Variants in ITGA10 observed in about 807,000 individuals in gnomAD.
ITGA10 encodes integrin subunit alpha 10.
In ITGA10, 105 loss-of-function variants were observed where a neutral mutation model predicts 145.2. The ratio of observed to expected loss-of-function variants is 0.72; its 90% CI spans 0.62 to 0.85. ITGA10 has a LOEUF of 0.85. Ranked by LOEUF, ITGA10 falls within the 40% of genes least tolerant of loss-of-function variation. ITGA10 has a pLI of 0.00. For synonymous variants in ITGA10, 506 were observed against 557.8 expected, an observed-to-expected ratio of 0.91 and a Z score of 1.31; for missense variants, 1,317 against 1,444.5, an observed-to-expected ratio of 0.91 and a Z score of 1.43.
In ITGA10 at chr1:145,896,305, G is replaced by A; in HGVS notation, c.2882C>T (p.Pro961Leu). The part of the protein sequence containing the change: ...RYEVHPYGTL[P>L]VGPGPEFKTT... ...TTTGAATTCTGGGCCAGGACCCACT[G>A]GGAGGGTCCCATATGGGTGAACCTC... The change falls in exon 24 of 30, where the codon CCA becomes CTA. Residue 961 changes from proline to leucine, a missense_variant. Physicochemically the swap from Pro to Leu is moderately conservative, Grantham distance 98. Coordinates refer to ENST00000369304, the MANE Select transcript of ITGA10 (RefSeq NM_003637.5). The A allele has an allele frequency of 1.2e-6, 2 of 1,614,008 alleles. No homozygotes were observed. Among genetic ancestry groups the A allele is most frequent in the South Asian group, 1.1e-5 (1 of 91,084 alleles).
chr1:145,899,516 T>C (rs1553747149), intron 15 of ITGA10, among the ~76,000 whole-genome samples, 175 bp from the exon 16 acceptor site: 1 of 151,842 alleles, frequency 6.6e-6, no homozygotes, highest in East Asian at 1.9e-4. Context: ...CATTGATCTT[T>C]TTTTTTTTTT....
chr1:145,897,828 T>G lies in ITGA10; in HGVS notation c.2419A>C (p.Ile807Leu). ...TDLVLQVNMDIRGSRKAPFVV... is the reference protein window; with the variant it reads ...TDLVLQVNMDLRGSRKAPFVV... ...TGTCCATCCAACCTGGAGCCTCTGA[T>G]GTCCATATTCACTTGAAGCACCAGG... The change falls in exon 19 of 30, where the codon ATC (isoleucine) becomes CTC (leucine). Residue 807 changes from isoleucine (I) to leucine (L), a missense_variant. Physicochemically the swap from Ile to Leu is conservative, Grantham distance 5. Coordinates refer to ENST00000369304, the MANE Select transcript of ITGA10 (RefSeq NM_003637.5). 6.2e-7 allele frequency: 1 copy of G among 1,614,090 alleles called. No individual in the cohort carries two copies. The highest frequency in any genetic ancestry group is 1.3e-5 in the African/African-American group (1 of 75,028).
intron 23 of ITGA10, among the ~76,000 whole-genome samples, 166 bp from the exon 24 acceptor site, chr1:145,896,518 A>G (rs1354113688): frequency 1.3e-5 from 2 of 152,160 alleles, no homozygotes; most frequent in East Asian, 3.8e-4. Context: ...CAGACAATGC[A>G]AGCTTTATGG....
In ITGA10 at chr1:145,896,285, A is replaced by T. The variant is rs1655384781; in HGVS notation, c.2902T>A (p.Phe968Ile). ...CTTCTCACCCTGAGAGTGGTTTTGA[A>T]TTCTGGGCCAGGACCCACTGGGAGG... ...GTLPVGPGPEFKTTLRVQNLG... is the reference protein window; with the variant it reads ...GTLPVGPGPEIKTTLRVQNLG... Residue 968 changes from phenylalanine (F) to isoleucine (I), a missense_variant, in exon 24 of 30, where the codon TTC becomes ATC. Phe to Ile is a conservative substitution (Grantham distance 21). Coordinates refer to ENST00000369304, the MANE Select transcript of ITGA10 (RefSeq NM_003637.5). 6.2e-7 allele frequency: 1 copy of T among 1,613,782 alleles called. No homozygotes were observed. The highest frequency in any genetic ancestry group is 8.5e-7 in the Non-Finnish European group (1 of 1,179,704).
chr1:145,902,822 A>G lies in ITGA10; in HGVS notation c.898T>C (p.Tyr300His), dbSNP rs782167660. ...KACEAGRVTR[Y>H]GIAVLGHYLR... ...GGGTGAATTCTCACTGCAATCCCATAGCGTGTCACTCTTCCAGCCTCACAG... is the reference window on the plus strand; with the variant it reads ...GGGTGAATTCTCACTGCAATCCCATGGCGTGTCACTCTTCCAGCCTCACAG... Residue 300 changes from tyrosine (Y) to histidine (H), a missense_variant, in exon 8 of 30, where the codon TAT (tyrosine) becomes CAT (histidine). Physicochemically the swap from Tyr to His is moderately conservative, Grantham distance 83. Coordinates refer to ENST00000369304, the MANE Select transcript of ITGA10 (RefSeq NM_003637.5). 3 of 1,609,958 alleles carry G rather than the reference A, an allele frequency of 1.9e-6. No individual in the cohort carries two copies. The East Asian group carries it at 6.7e-5, about 36-fold the overall frequency.
chr1:145,900,233 G>C (rs1553747555), intron 14 of ITGA10, 46 bp from the exon 15 acceptor site: 1 of 1,550,290 alleles, frequency 6.5e-7, no homozygotes, highest in Non-Finnish European at 8.7e-7. Flanking sequence ...CATACACCTA[G>C]TTTCTCAGGC....
rs782527798 is a variant in ITGA10, at chr1:145,901,652, G to A, written c.1307C>T (p.Ser436Phe). Reference sequence around the variant, plus strand: ...GCGTCCACCCCGCAAAAGCATGGAAGAAACAGAGTAACCTAGAAGTGGGCA... The same window carrying A: ...GCGTCCACCCCGCAAAAGCATGGAAAAAACAGAGTAACCTAGAAGTGGGCA... ...NHAAYLGYSV[S>F]SMLLRGGRRL... Residue 436 changes from serine to phenylalanine, a missense_variant, in exon 12 of 30, where the codon TCT becomes TTT. Transcript: ENST00000369304. This position sits in a 1 kb window ranked among gnomAD's most constrained non-coding sequence, Gnocchi z 4.3. 6.4e-7 allele frequency: 1 copy of A among 1,574,044 alleles called. No homozygotes were observed.
chr1:145,900,856 A>G lies in ITGA10; in HGVS notation c.1725T>C (p.Asp575=), dbSNP rs1157894279. 39 of 1,613,960 alleles carry G rather than the reference A, an allele frequency of 2.4e-5. No homozygotes were observed. The highest frequency in any genetic ancestry group is 3.0e-5 in the Non-Finnish European group (35 of 1,180,032). The change falls in exon 14 of 30, where the codon GAT becomes GAC. Residue 575 remains aspartate, a synonymous_variant. Transcript: ENST00000369304. The part of the protein sequence containing the change: ...ADVAVGAPLE[D]GHQGALYLYH... ...ACAGGTACAGTGCTCCCTGGTGCCC[A>G]TCTTCCAGAGGCGCCCCCACAGCCA...
chr1:145,906,979 G>T, intron 3 of ITGA10, 62 bp downstream of exon 3: 3 of 1,297,426 alleles, frequency 2.3e-6, no homozygotes, highest in Non-Finnish European at 3.2e-6. Context: ...GGTATAGGGA[G>T]TTGAAGCTTC....
intron 6 of ITGA10, 60 bp from the exon 7 acceptor site, chr1:145,904,260 G>A: frequency 6.5e-7 from 1 of 1,531,432 alleles, no homozygotes; most frequent in Non-Finnish European, 9.0e-7. Flanking sequence ...AGAGGAGGAA[G>A]AAGAAAGTAT....
Position 145,906,389 on chromosome 1 carries a change from C to T in ITGA10, c.481+5G>A. The T allele has an allele frequency of 6.2e-7, 1 of 1,610,634 alleles. No individual in the cohort carries two copies. The highest frequency in any genetic ancestry group is 8.5e-7 in the Non-Finnish European group (1 of 1,177,118). On this transcript the variant is annotated splice_donor_5th_base_variant and intron_variant, in intron 5 of 29. Coordinates refer to ENST00000369304, the MANE Select transcript of ITGA10 (RefSeq NM_003637.5). ...AACCAAGTACTCAGCCTTCCTCTGG[C>T]TCACGTTGGGCAGTGGGTGCCAGGC...
Position 145,901,861 on chromosome 1 carries a change from A to G in ITGA10, c.1294+16T>C, listed in dbSNP as rs1553748767. ...TCCCCTACCCTGTAAGTCCTCTGCA[A>G]CTCTCTGCTGCTCACCCAGGTAGGC... is the stretch of plus-strand genomic sequence containing the variant. On this transcript the variant is annotated intron_variant, in intron 11 of 29. Transcript: ENST00000369304. This position sits in a 1 kb window ranked among gnomAD's most constrained non-coding sequence, Gnocchi z 4.3. The G allele has an allele frequency of 5.6e-6, 9 of 1,613,654 alleles. No individual in the cohort carries two copies. The East Asian group carries it at 1.1e-4, about 20-fold the overall frequency.
Position 145,902,839 on chromosome 1 carries a change from G to A in ITGA10, c.881C>T (p.Ala294Val). ...ELPAALKACE[A>V]GRVTRYGIAV... ...AATCCCATAGCGTGTCACTCTTCCA[G>A]CCTCACAGGCCTTTAGTGCTGCAGG... Residue 294 changes from alanine to valine, a missense_variant, in exon 8 of 30, where the codon GCT becomes GTT. Ala to Val is a moderately conservative substitution (Grantham distance 64, BLOSUM62 0). Coordinates refer to ENST00000369304, the MANE Select transcript of ITGA10 (RefSeq NM_003637.5). The A allele has an allele frequency of 1.2e-6, 2 of 1,612,524 alleles. No homozygotes were observed. Among genetic ancestry groups the A allele is most frequent in the South Asian group, 1.1e-5 (1 of 90,850 alleles).
rs782672270 is a variant in ITGA10 at position 145,900,961 on chromosome 1, C to A, written c.1620G>T (p.Gln540His). The A allele has an allele frequency of 6.2e-7, 1 of 1,613,990 alleles. No individual in the cohort carries two copies. Among genetic ancestry groups the A allele is most frequent in the African/African-American group, 1.3e-5 (1 of 74,882 alleles). The change falls in exon 14 of 30, where the codon CAG becomes CAT. Residue 540 changes from glutamine to histidine, a missense_variant. Transcript: ENST00000369304. ...QSLLTLQGTL[Q>H]PEPPQDARFG... ...ACCGAGCATCCTGGGGGGGTTCTGG[C>A]TGAAGTGTTCCTTGGAGGGTCAGCA... is the stretch of plus-strand genomic sequence containing the variant.
At chr1:145,902,060 T>A (rs782799265) in intron 10 of ITGA10, 39 bp from the exon 11 acceptor site, 54 of 1,600,416 alleles carry the variant, frequency 3.4e-5, no homozygotes, top group Non-Finnish European at 4.5e-5. Flanking sequence ...GAGAAGACAG[T>A]GGGGAATAAA....
At chr1:145,894,104 T>C (rs951076178) in intron 27 of ITGA10, among the ~76,000 whole-genome samples, 1 of 147,752 alleles carries the variant, frequency 6.8e-6, no homozygotes, top group Non-Finnish European at 1.5e-5. Flanking sequence ...GTACCAAGTA[T>C]GTAGTGGTTT....
At chr1:145,899,387 C>G (rs782487230) in intron 15 of ITGA10, 46 bp from the exon 16 acceptor site, 1 of 1,590,994 alleles carries the variant, frequency 6.3e-7, no homozygotes, top group Non-Finnish European at 8.6e-7. Flanking sequence ...GAGGTAAGCC[C>G]TCTGAGAAGT....
rs587629117 is a variant in ITGA10 at position 145,897,196 on chromosome 1, C to T, written c.2667+51G>A. On this transcript the variant is annotated intron_variant, in intron 21 of 29. Coordinates refer to ENST00000369304, the MANE Select transcript of ITGA10 (RefSeq NM_003637.5). ...CCCTGAAGTCCCAGGACCCTCAGAT[C>T]CCAGCCTCTGCCCTCCTAGAGCCCT... The T allele has an allele frequency of 2.2e-4, 348 of 1,592,938 alleles. 1 individual carries two copies. The South Asian group carries it at 3.5e-3, about 16-fold the overall frequency.
At chr1:145,893,502 T>C (rs1553743901) in intron 28 of ITGA10, 38 bp downstream of exon 28, 1 of 1,523,674 alleles carries the variant, frequency 6.6e-7, no homozygotes, top group East Asian at 2.3e-5. Flanking sequence ...CCCATCATCA[T>C]TATTTTCACA....
Sources: allele counts gnomAD v4.1 joint callset (sites outside exome capture counted in the v4.1 genomes callset), GRCh38; gene constraint gnomAD v4.1.1; non-coding constraint Gnocchi (gnomAD v3.1); transcripts MANE v1.5; gene names NCBI Gene and HGNC (gene_info 2026-07-23, HGNC 2026-07-21).